Variants in CCDC30 observed in about 807,000 individuals in gnomAD.
CCDC30 encodes coiled-coil domain-containing protein 30.
A neutral mutation model predicts 100.2 loss-of-function variants in CCDC30; 70 were observed. That is an observed-to-expected ratio of 0.70 (90% CI 0.58 to 0.85). CCDC30 has a LOEUF of 0.85. CCDC30 is among the 40% of genes least tolerant of loss of function. CCDC30 has a pLI of 0.00. For missense variants in CCDC30, 652 were observed against 771.2 expected, an observed-to-expected ratio of 0.85 and a Z score of 1.83; for synonymous variants, 233 against 269.5, an observed-to-expected ratio of 0.86 and a Z score of 1.33.
intron 1 of CCDC30, among the ~76,000 whole-genome samples, chr1:42,475,298 G>A (rs879643130): frequency 6.6e-5 from 10 of 152,164 alleles, no homozygotes; most frequent in Middle Eastern, 3.4e-3. Context: ...TTCACTTCCC[G>A]GACCTTTAAT....
At chr1:42,476,634 G>A (rs1341544566) in intron 1 of CCDC30, among the ~76,000 whole-genome samples, 1 of 151,378 alleles carries the variant, frequency 6.6e-6, no homozygotes, top group Non-Finnish European at 1.5e-5. Context: ...AGGTTGTGGT[G>A]AGCGGAGATT....
At chr1:42,597,745 A>G (rs1441035838) in intron 10 of CCDC30, among the ~76,000 whole-genome samples, 1 of 152,118 alleles carries the variant, frequency 6.6e-6, no homozygotes, top group Non-Finnish European at 1.5e-5. Context: ...TTCAAATAAC[A>G]CTATACCACT....
intron 11 of CCDC30, among the ~76,000 whole-genome samples, chr1:42,616,726 G>A (rs1646733749): frequency 6.6e-6 from 1 of 152,118 alleles, no homozygotes; most frequent in South Asian, 2.1e-4. Context: ...TGTTCTTCAG[G>A]CAAGGTAGCC....
chr1:42,558,611 A>C (rs1219910637), intron 6 of CCDC30, among the ~76,000 whole-genome samples: 1 of 152,204 alleles, frequency 6.6e-6, no homozygotes, highest in Non-Finnish European at 1.5e-5. Context: ...GATAAGCAGT[A>C]GATTCAGGAT....
intron 9 of CCDC30, among the ~76,000 whole-genome samples, chr1:42,587,447 G>C (rs145462713): frequency 6.6e-6 from 1 of 152,280 alleles, no homozygotes; most frequent in African/African-American, 2.4e-5. Flanking sequence ...AAAGAAGTAG[G>C]CCATAATAGC....
At chr1:42,510,861 C>CT (rs1644467221) in intron 6 of CCDC30, among the ~76,000 whole-genome samples, 1 of 151,766 alleles carries the variant, frequency 6.6e-6, no homozygotes, top group Non-Finnish European at 1.5e-5. Context: ...CCTGATATGA[C>CT]TGCTATAAGG....
At chr1:42,526,821 GT>G (rs776415883) in intron 6 of CCDC30, among the ~76,000 whole-genome samples, 2 of 152,046 alleles carry the variant, frequency 1.3e-5, no homozygotes, top group South Asian at 2.1e-4. Flanking sequence ...ACATAAGATA[GT>G]TTGTCTTATA....
At chr1:42,619,063 A>T (rs1353688984) in intron 11 of CCDC30, among the ~76,000 whole-genome samples, 2 of 152,288 alleles carry the variant, frequency 1.3e-5, no homozygotes, top group African/African-American at 4.8e-5. Context: ...CAGCAAAAAA[A>T]AATCGGGGTA....
chr1:42,474,499 A>G (rs1643860816), intron 1 of CCDC30, among the ~76,000 whole-genome samples: 1 of 152,172 alleles, frequency 6.6e-6, no homozygotes, highest in African/African-American at 2.4e-5. Flanking sequence ...GGAAGTGATA[A>G]AGTTGAACTG....
Position 42,611,291 on chromosome 1 carries a change from G to C in CCDC30, c.1277+201G>C, listed in dbSNP as rs531329447. Among the ~76,000 whole-genome samples the C allele has an allele frequency of 3.3e-5, 5 of 152,258 alleles. No individual in the cohort carries two copies. The East Asian group carries it at 9.7e-4, about 29-fold the overall frequency. ...GGGCCTAATTTCTTCTCAAGAGAGG[G>C]AAGGAGAAGGGAATTACCATTCATT... is the stretch of plus-strand genomic sequence containing the variant. On this transcript the variant is annotated intron_variant, in intron 11 of 16. Coordinates refer to ENST00000668663, the Ensembl canonical transcript of CCDC30.
chr1:42,517,331 C>G (rs972592088), intron 6 of CCDC30, among the ~76,000 whole-genome samples: 1 of 152,218 alleles, frequency 6.6e-6, no homozygotes, highest in African/African-American at 2.4e-5. Context: ...AATCCTCCCA[C>G]CTTGGCCTCC....
rs1644802009 is a variant in CCDC30 at position 42,531,280 on chromosome 1, C to CTG, written c.456+32364_456+32365insTG. On this transcript the variant is annotated intron_variant, in intron 6 of 16. Transcript: ENST00000668663. ...TGATTGTAAGCTTCCTGAGGCCTCC[C>CTG]CAGCCATGCTTCCTGTAGAGCCTGA... Among the ~76,000 whole-genome samples, 4 of 152,106 alleles carry CTG rather than the reference C, an allele frequency of 2.6e-5. No individual in the cohort carries two copies. In the South Asian group the frequency reaches 8.3e-4, roughly 32 times the overall value.
At chr1:42,535,709 T>TATAATATATATATAA (rs1553190480) in intron 6 of CCDC30, among the ~76,000 whole-genome samples, 1 of 86,052 alleles carries the variant, frequency 1.2e-5, no homozygotes, top group Non-Finnish European at 2.2e-5. Context: ...TATATATATA[T>TATAATATATATATAA]TATATATATA....
intron 6 of CCDC30, among the ~76,000 whole-genome samples, chr1:42,500,864 T>C (rs772740839): frequency 2.0e-5 from 3 of 152,202 alleles, no homozygotes; most frequent in Non-Finnish European, 4.4e-5. Flanking sequence ...AGTGCTGGGA[T>C]TACATGCATA....
At chr1:42,495,369 G>A (rs1045374070) in intron 4 of CCDC30, among the ~76,000 whole-genome samples, 2 of 151,976 alleles carry the variant, frequency 1.3e-5, no homozygotes, top group African/African-American at 4.8e-5. Context: ...GGTGGGGAGA[G>A]AGGGGAGGGA....
chr1:42,558,228 C>G (rs1645413771), intron 6 of CCDC30: 1 of 193,280 alleles, frequency 5.2e-6, no homozygotes, highest in African/African-American at 2.4e-5. Context: ...GGCCTTTGTC[C>G]TCTTGGTAAA....
At chr1:42,594,834 T>G (rs911192363) in intron 10 of CCDC30, 38 of 152,328 alleles carry the variant, frequency 2.5e-4, no homozygotes, top group African/African-American at 9.1e-4. Flanking sequence ...GGTATTGGCC[T>G]AAGAAGCCAC....
intron 6 of CCDC30, among the ~76,000 whole-genome samples, chr1:42,534,223 G>T (rs192994531): frequency 1.2e-3 from 174 of 139,402 alleles, no homozygotes; most frequent in South Asian, 2.9e-3. Flanking sequence ...AGAAAATGAG[G>T]GGGGGGGTTC....
At chr1:42,607,533 AC>A (rs1646524158) in intron 10 of CCDC30, among the ~76,000 whole-genome samples, 1 of 149,990 alleles carries the variant, frequency 6.7e-6, no homozygotes, top group Non-Finnish European at 1.5e-5. Context: ...AGCCTGGGCA[AC>A]ATAGCAAGAA....
Sources: gnomAD v4.1 joint callset for allele counts (sites outside exome capture counted in the v4.1 genomes callset) on GRCh38, gnomAD v4.1.1 for gene constraint, MANE v1.5 for transcripts, NCBI Gene and HGNC (gene_info 2026-07-23, HGNC 2026-07-21) for gene names.